SCFD2: variants seen among roughly 807,000 people sequenced by gnomAD.
The protein encoded by SCFD2 is sec1 family domain-containing protein 2.
A neutral mutation model predicts 58.9 loss-of-function variants in SCFD2; 54 were observed. The observed-to-expected ratio is 0.92, with a 90% CI of 0.74 to 1.15. The LOEUF is 1.15. Among genes scored for constraint, SCFD2 ranks in the 50% most tolerant of loss-of-function variants. The pLI, the probability that SCFD2 is intolerant of heterozygous loss-of-function variation, is 0.00. For missense variants in SCFD2, 805 were observed against 836.6 expected (o/e 0.96, Z 0.47); for synonymous variants, 321 against 335.9 (o/e 0.96, Z 0.49).
Position 53,313,625 on chromosome 4 carries a change from T to C in SCFD2, c.1135+11A>G. ...CCTCAGAGGCTGCCTGTGTCCTAGG[T>C]TTAGGCTTACCCATACTCATCTTGA... On this transcript the variant is annotated intron_variant, in intron 3 of 8. Coordinates refer to ENST00000401642, the MANE Select transcript of SCFD2 (RefSeq NM_152540.4). The C allele has an allele frequency of 1.2e-6, 2 of 1,613,776 alleles. No homozygotes were observed. The highest frequency in any genetic ancestry group is 1.7e-6 in the Non-Finnish European group (2 of 1,179,744).
intron 5 of SCFD2, among the ~76,000 whole-genome samples, chr4:53,113,858 T>C (rs1165523501): frequency 6.6e-6 from 1 of 151,918 alleles, no homozygotes; most frequent in African/African-American, 2.4e-5. Context: ...CTCACTATTG[T>C]GAGAAGGCAT....
At chr4:53,260,962 TATTTCCAGGA>T (rs1160667654) in intron 4 of SCFD2, among the ~76,000 whole-genome samples, 5 of 152,192 alleles carry the variant, frequency 3.3e-5, no homozygotes, top group African/African-American at 1.2e-4. Flanking sequence ...AAGGGTTGTA[TATTTCCAGGA>T]ATTTATCCAT....
chr4:53,164,944 T>C (rs1020682616), intron 4 of SCFD2, among the ~76,000 whole-genome samples: 28 of 152,286 alleles, frequency 1.8e-4, no homozygotes, highest in African/African-American at 6.7e-4. Context: ...CGATTCTAAG[T>C]AGCAACAATG....
rs1010431477 is a variant in SCFD2, at chr4:53,212,632, C to T, written c.1311+61194G>A. Among the ~76,000 whole-genome samples, 243 of 138,438 alleles carry T rather than the reference C, an allele frequency of 1.8e-3. 3 individuals carry two copies. Among genetic ancestry groups the T allele is most frequent in the African/African-American group, 6.6e-3 (228 of 34,776 alleles). 90.8% of individuals were successfully genotyped at this position (138,438 alleles called of 152,430 possible). A position where few individuals can be genotyped will look rare whatever the true frequency, so the allele number is the denominator to read the frequency against. ...TGCATGTGGTGTCTGTGTGTGTTGA[C>T]GTGGAAGGGATAAAGAACTATAAAC... is the stretch of plus-strand genomic sequence containing the variant. On this transcript the variant is annotated intron_variant, in intron 4 of 8. Coordinates refer to ENST00000401642, the MANE Select transcript of SCFD2 (RefSeq NM_152540.4).
intron 5 of SCFD2, among the ~76,000 whole-genome samples, chr4:52,996,349 G>A (rs1721741268): frequency 6.6e-6 from 1 of 152,370 alleles, no homozygotes; most frequent in Middle Eastern, 3.4e-3. Context: ...CAGCTGGAGT[G>A]GAGTCGCCTG....
At chr4:53,045,437 T>G (rs1047819431) in intron 5 of SCFD2, among the ~76,000 whole-genome samples, 5 of 152,198 alleles carry the variant, frequency 3.3e-5, no homozygotes, top group African/African-American at 1.2e-4. Flanking sequence ...TTTGGATATG[T>G]AATTTAGCTT....
intron 5 of SCFD2, among the ~76,000 whole-genome samples, chr4:52,933,015 T>C (rs562686459): frequency 2.0e-5 from 3 of 152,204 alleles, no homozygotes; most frequent in Non-Finnish European, 2.9e-5. Context: ...GTAGAAATAT[T>C]CCCCTTCTTC....
intron 3 of SCFD2, among the ~76,000 whole-genome samples, chr4:53,309,022 A>T (rs1327059862): frequency 6.6e-6 from 1 of 151,904 alleles, no homozygotes; most frequent in Non-Finnish European, 1.5e-5. Context: ...AATCCCAGCT[A>T]CTCGGAAGGC....
chr4:52,912,329 A>C (rs1262038242), intron 6 of SCFD2, among the ~76,000 whole-genome samples: 1 of 152,196 alleles, frequency 6.6e-6, no homozygotes, highest in East Asian at 1.9e-4. Flanking sequence ...AAAGACATAA[A>C]ATGGGAAAAA....
chr4:53,011,944 C>T (rs139463793), intron 5 of SCFD2, among the ~76,000 whole-genome samples: 198 of 149,962 alleles, frequency 1.3e-3, no homozygotes, highest in South Asian at 7.6e-3. Flanking sequence ...GTTCTGGGAA[C>T]ACAAATCTGG....
chr4:53,213,192 T>C (rs1251495823), intron 4 of SCFD2, among the ~76,000 whole-genome samples: 1 of 152,136 alleles, frequency 6.6e-6, no homozygotes, highest in Non-Finnish European at 1.5e-5. Flanking sequence ...CAGTTGCATA[T>C]AAGACTTTAA....
intron 5 of SCFD2, among the ~76,000 whole-genome samples, chr4:53,037,302 T>C (rs1722789083): frequency 6.6e-6 from 1 of 152,086 alleles, no homozygotes. Flanking sequence ...TGAACAAGCA[T>C]GTTAGGAATT....
At chr4:53,353,347 A>G (rs1458305024) in intron 1 of SCFD2, among the ~76,000 whole-genome samples, 4 of 152,156 alleles carry the variant, frequency 2.6e-5, no homozygotes. Context: ...GACCTTCACC[A>G]TGAGTGTTAC....
chr4:53,285,277 G>A (rs1731630195), intron 3 of SCFD2, among the ~76,000 whole-genome samples: 1 of 151,948 alleles, frequency 6.6e-6, no homozygotes, highest in South Asian at 2.1e-4. Context: ...CAGATAACAT[G>A]GCACATAATA....
intron 5 of SCFD2, among the ~76,000 whole-genome samples, chr4:53,009,431 G>C (rs1722048734): frequency 1.3e-5 from 2 of 152,188 alleles, no homozygotes; most frequent in African/African-American, 4.8e-5. Context: ...TGTAAAGGGA[G>C]AATCTACTGG....
At chr4:53,230,779 T>C (rs1014184520) in intron 4 of SCFD2, among the ~76,000 whole-genome samples, 1 of 151,584 alleles carries the variant, frequency 6.6e-6, no homozygotes, top group Non-Finnish European at 1.5e-5. Context: ...AATAATAAAA[T>C]TTAAAAAAAA....
rs539052583 is a variant in SCFD2, at chr4:53,073,723, G to A, written c.1561+71610C>T. The stretch of plus-strand genomic sequence containing the variant: ...GCAATAAAGTGAATATTGCAATAAA[G>A]TAAGTTGCATGAATTTTTTTTGATA... On this transcript the variant is annotated intron_variant, in intron 5 of 8. Transcript: ENST00000401642. Among the ~76,000 whole-genome samples, 4 of 119,516 alleles carry A rather than the reference G, an allele frequency of 3.3e-5. No individual in the cohort carries two copies. The East Asian group carries it at 9.7e-4, about 29-fold the overall frequency. 78.4% of individuals were successfully genotyped at this position (119,516 alleles called of 152,430 possible).
At chr4:52,916,975 G>A (rs1719625209) in intron 6 of SCFD2, among the ~76,000 whole-genome samples, 1 of 152,140 alleles carries the variant, frequency 6.6e-6, no homozygotes, top group African/African-American at 2.4e-5. Flanking sequence ...ATAGCTCACT[G>A]CAGCCTAGAA....
chr4:53,178,793 G>A (rs1727436324), intron 4 of SCFD2, among the ~76,000 whole-genome samples: 1 of 152,190 alleles, frequency 6.6e-6, no homozygotes. Flanking sequence ...CCAATGCAGA[G>A]AAGTCCTTAA....
Sources: allele counts gnomAD v4.1 joint callset (sites outside exome capture counted in the v4.1 genomes callset), GRCh38; gene constraint gnomAD v4.1.1; transcripts MANE v1.5; gene names NCBI Gene and HGNC (gene_info 2026-07-23, HGNC 2026-07-21).